SPECC1L: variants seen among roughly 807,000 people sequenced by gnomAD.
SPECC1L encodes cytospin-A.
Under a neutral mutation model 116.8 loss-of-function variants are expected in SPECC1L, and 40 were observed. That is an observed-to-expected ratio of 0.34 (90% CI 0.27 to 0.45). The LOEUF is 0.45. SPECC1L is among the 20% of genes least tolerant of loss of function. SPECC1L has a pLI of 1.00. For missense variants in SPECC1L, 1,110 were observed against 1,373.6 expected, an observed-to-expected ratio of 0.81 and a Z score of 3.03; for synonymous variants, 504 against 500.6, an observed-to-expected ratio of 1.01 and a Z score of -0.09.
intron 2 of SPECC1L, among the ~76,000 whole-genome samples, chr22:24,285,171 G>C (rs2049017302): frequency 6.6e-6 from 1 of 152,174 alleles, no homozygotes; most frequent in African/African-American, 2.4e-5. Context: ...CAGCCCTGGG[G>C]ATTGTAGTGG....
At chr22:24,379,257 C>T (rs1374664109) in intron 14 of SPECC1L, among the ~76,000 whole-genome samples, 2 of 151,734 alleles carry the variant, frequency 1.3e-5, no homozygotes, top group African/African-American at 4.8e-5. Context: ...AATCCTCCTA[C>T]CTCAGCCCAG....
rs777194909 is a variant in SPECC1L at position 24,414,768 on chromosome 22, C to T, written c.*145C>T. ...GTGTGAGCCTCCAGCTCGGGGCTTC[C>T]GTATTGGAAGAACTCAGCCGTGTGG... is the stretch of plus-strand genomic sequence containing the variant. On this transcript the variant is annotated 3_prime_UTR_variant, in exon 17 of 17. Coordinates refer to ENST00000314328, the MANE Select transcript of SPECC1L (RefSeq NM_015330.6). 3.8e-5 allele frequency: 27 copies of T among 706,306 alleles called. 1 individual carries two copies. The highest frequency in any genetic ancestry group is 1.8e-4 in the African/African-American group (10 of 57,030). 43.8% of individuals were successfully genotyped at this position (706,306 alleles called of 1,614,324 possible). A position where few individuals can be genotyped will look rare whatever the true frequency, so the allele number is the denominator to read the frequency against.
Position 24,321,552 on chromosome 22 carries a change from T to C in SPECC1L, c.572T>C (p.Leu191Pro), listed in dbSNP as rs745588509. 3 of 1,614,082 alleles carry C rather than the reference T, an allele frequency of 1.9e-6. No homozygotes were observed. Among genetic ancestry groups the C allele is most frequent in the East Asian group, 4.5e-5 (2 of 44,896 alleles). The change falls in exon 5 of 17, where the codon CTG becomes CCG. Residue 191 changes from leucine (L) to proline (P), a missense_variant. Physicochemically the swap from Leu to Pro is moderately conservative, Grantham distance 98. Coordinates refer to ENST00000314328, the MANE Select transcript of SPECC1L (RefSeq NM_015330.6). ...LEAKVKDLLT[L>P]AKTKDVEILH... The stretch of plus-strand genomic sequence containing the variant: ...GCCAAAGTGAAGGATCTTCTCACGC[T>C]GGCAAAAACCAAAGACGTAGAAATT...
intron 2 of SPECC1L, among the ~76,000 whole-genome samples, chr22:24,297,505 A>G (rs988049805): frequency 3.6e-4 from 55 of 152,156 alleles, no homozygotes; most frequent in African/African-American, 1.3e-3. Context: ...CGAGATGTTT[A>G]TATATATAGT....
chr22:24,317,670 C>T (rs186533259), intron 4 of SPECC1L, among the ~76,000 whole-genome samples: 3,553 of 151,796 alleles, frequency 0.023, 119 homozygotes, highest in South Asian at 0.11. Context: ...CTGACCCCCC[C>T]ATCTCCCTCC....
intron 2 of SPECC1L, among the ~76,000 whole-genome samples, chr22:24,286,619 C>T (rs2049048806): frequency 6.6e-6 from 1 of 152,098 alleles, no homozygotes; most frequent in African/African-American, 2.4e-5. Flanking sequence ...TTTGTCCTAC[C>T]ACTAAGAAGT....
At chr22:24,312,820 CT>C (rs2040488106) in intron 3 of SPECC1L, among the ~76,000 whole-genome samples, 1 of 152,076 alleles carries the variant, frequency 6.6e-6, no homozygotes, top group African/African-American at 2.4e-5. Context: ...AAAATACCTC[CT>C]TTCAATTGTG....
At chr22:24,336,592 T>A (rs569319413) in intron 9 of SPECC1L, among the ~76,000 whole-genome samples, 42 of 152,162 alleles carry the variant, frequency 2.8e-4, no homozygotes, top group African/African-American at 6.5e-4. Flanking sequence ...AAGAATAAAA[T>A]ATATATATGC....
At chr22:24,292,310 AG>A (rs1486660555) in intron 2 of SPECC1L, among the ~76,000 whole-genome samples, 1 of 152,158 alleles carries the variant, frequency 6.6e-6, no homozygotes, top group Non-Finnish European at 1.5e-5. Flanking sequence ...ATGGTTGGTG[AG>A]GGTGGGGTTT....
intron 6 of SPECC1L, 146 bp from the exon 7 acceptor site, chr22:24,328,700 C>T: frequency 1.7e-6 from 1 of 592,658 alleles, no homozygotes; most frequent in Non-Finnish European, 3.0e-6. Context: ...AACATTTTTT[C>T]TGTTAAAGTT....
chr22:24,381,506 A>G (rs2042061207), intron 14 of SPECC1L, among the ~76,000 whole-genome samples: 1 of 152,232 alleles, frequency 6.6e-6, no homozygotes, highest in Non-Finnish European at 1.5e-5. Context: ...TGGAATTAAA[A>G]GAATTAATGG....
intron 14 of SPECC1L, among the ~76,000 whole-genome samples, chr22:24,408,854 C>T (rs548836755): frequency 6.6e-6 from 1 of 152,372 alleles, no homozygotes; most frequent in East Asian, 1.9e-4. Flanking sequence ...GATGAGAAGT[C>T]AGCCTCGTGA....
intron 14 of SPECC1L, among the ~76,000 whole-genome samples, chr22:24,402,163 T>C (rs1223392780): frequency 1.6e-3 from 82 of 52,654 alleles, no homozygotes; most frequent in Non-Finnish European, 1.2e-3. Flanking sequence ...CCTTCCCTTC[T>C]CTCCCCTCCC....
rs1314181986 is a variant in SPECC1L, at chr22:24,417,697, G to T, written c.*3074G>T. On this transcript the variant is annotated 3_prime_UTR_variant, in exon 17 of 17. Coordinates refer to ENST00000314328, the MANE Select transcript of SPECC1L (RefSeq NM_015330.6). ...TATAAAATAGAGAAAAAGAAAAAAG[G>T]TATCCTACCCAGAGGCAACCAGATA... is the stretch of plus-strand genomic sequence containing the variant. 6.6e-6 allele frequency: 1 copy of T among 152,196 alleles called. No homozygotes were observed. The highest frequency in any genetic ancestry group is 1.5e-5 in the Non-Finnish European group (1 of 68,050). The allele number at this position is 152,196 out of a possible 1,614,324, so 9.4% of individuals were successfully genotyped here.
At chr22:24,385,363 T>C (rs1569444001) in intron 14 of SPECC1L, among the ~76,000 whole-genome samples, 2 of 152,180 alleles carry the variant, frequency 1.3e-5, no homozygotes, top group Non-Finnish European at 2.9e-5. Flanking sequence ...TCCATATATG[T>C]AAAAATCACA....
chr22:24,322,824 A>C lies in SPECC1L; in HGVS notation c.1844A>C (p.Asp615Ala). 1 of 1,609,702 alleles carries C rather than the reference A, an allele frequency of 6.2e-7. No individual in the cohort carries two copies. Among genetic ancestry groups the C allele is most frequent in the South Asian group, 1.1e-5 (1 of 90,236 alleles). The change falls in exon 5 of 17, where the codon GAC becomes GCC. Residue 615 changes from aspartate to alanine, a missense_variant. Physicochemically the swap from Asp to Ala is moderately radical, Grantham distance 126. Around this residue, in one of 4 missense-constraint regions of SPECC1L, gnomAD observed 575 missense variants for 682.4 expected, o/e 0.84. Transcript: ENST00000314328. ...IQDLLESVRLDKEKAETLASS... is the reference protein window; with the variant it reads ...IQDLLESVRLAKEKAETLASS... ...GACCTCCTGGAGAGTGTCAGGCTGG[A>C]CAAAGAAAAAGCAGAGACTTTGGCT...
intron 8 of SPECC1L, among the ~76,000 whole-genome samples, chr22:24,333,911 T>C (rs1272302379): frequency 1.3e-5 from 2 of 152,142 alleles, no homozygotes; most frequent in African/African-American, 2.4e-5. Flanking sequence ...ATATAAAAAT[T>C]TCAGTATCAT....
intron 3 of SPECC1L, among the ~76,000 whole-genome samples, chr22:24,310,072 AT>A (rs2040432723): frequency 6.6e-6 from 1 of 152,084 alleles, no homozygotes; most frequent in Admixed American, 6.5e-5. Context: ...GCAAATACAC[AT>A]TTTTTATTTC....
intron 13 of SPECC1L, among the ~76,000 whole-genome samples, chr22:24,367,021 C>A (rs1476715429): frequency 2.0e-5 from 3 of 152,120 alleles, no homozygotes; most frequent in Admixed American, 6.6e-5. Flanking sequence ...TGGTGAAACC[C>A]CATCTGTACT....
Sources: gnomAD v4.1 joint callset for allele counts (sites outside exome capture counted in the v4.1 genomes callset) on GRCh38, gnomAD v4.1.1 for gene constraint, gnomAD v4.1.1 regional missense constraint, MANE v1.5 for transcripts, NCBI Gene and HGNC (gene_info 2026-07-23, HGNC 2026-07-21) for gene names.